TRPC5: variants seen among roughly 807,000 people sequenced by gnomAD.
TRPC5 encodes transient receptor potential cation channel subfamily C member 5, also known as short transient receptor potential channel 5.
Under a neutral mutation model 56.5 loss-of-function variants are expected in TRPC5, and 9 were observed. The ratio of observed to expected loss-of-function variants is 0.16; its 90% CI spans 0.10 to 0.28. The LOEUF (loss-of-function observed/expected upper bound fraction) is 0.28. TRPC5 is among the 10% of genes least tolerant of loss of function. The pLI is 1.00. For missense variants in TRPC5, 469 were observed against 748.9 expected, an observed-to-expected ratio of 0.63 and a Z score of 4.36; for synonymous variants, 282 against 278.5, an observed-to-expected ratio of 1.01 and a Z score of -0.13.
chrX:112,065,789 T>C (rs777041519), intron 1 of TRPC5, among the ~76,000 whole-genome samples: 1 of 110,745 alleles, frequency 9.0e-6, no homozygotes, highest in African/African-American at 3.3e-5. Context: ...AAGAATTGCT[T>C]CAGCCTGGGA....
At chrX:111,899,477 G>A (rs1392535308) in intron 3 of TRPC5, among the ~76,000 whole-genome samples, 3 of 111,280 alleles carry the variant, frequency 2.7e-5, no homozygotes, top group Non-Finnish European at 5.7e-5. Context: ...GAGAGGGTGT[G>A]AAATAGAATG....
chrX:112,075,726 C>T (rs1457286167), intron 1 of TRPC5, among the ~76,000 whole-genome samples: 1 of 111,517 alleles, frequency 9.0e-6, no homozygotes, highest in Non-Finnish European at 1.9e-5. Flanking sequence ...GCTGAGTTCC[C>T]CCTCATCAAA....
chrX:112,049,453 A>G (rs886533676), intron 1 of TRPC5, among the ~76,000 whole-genome samples: 15 of 107,535 alleles, frequency 1.4e-4, no homozygotes, highest in African/African-American at 5.1e-4. Context: ...ACACACACAC[A>G]CATATATATA....
At chrX:111,968,615 C>T (rs920533602) in intron 1 of TRPC5, among the ~76,000 whole-genome samples, 3 of 109,542 alleles carry the variant, frequency 2.7e-5, no homozygotes, top group African/African-American at 1.0e-4. Flanking sequence ...GAAAATGTGG[C>T]ACATATACCC....
chrX:111,829,292 A>ACTCTGT (rs1179453437), intron 7 of TRPC5, among the ~76,000 whole-genome samples: 1 of 86,484 alleles, frequency 1.2e-5, no homozygotes, highest in Non-Finnish European at 2.2e-5. Context: ...ACAGTATGAG[A>ACTCTGT]CTCTGTCTCA....
At chrX:112,069,345 T>C (rs1222056729) in intron 1 of TRPC5, among the ~76,000 whole-genome samples, 1 of 111,943 alleles carries the variant, frequency 8.9e-6, no homozygotes, top group African/African-American at 3.3e-5. Context: ...ATGTGTGTGC[T>C]ATCTGAATGT....
At chrX:112,015,287 A>T (rs1929092594) in intron 1 of TRPC5, among the ~76,000 whole-genome samples, 1 of 111,224 alleles carries the variant, frequency 9.0e-6, no homozygotes, top group African/African-American at 3.3e-5. Context: ...GTGGTCCTGA[A>T]ATTTTAGCGT....
intron 7 of TRPC5, among the ~76,000 whole-genome samples, chrX:111,823,529 C>T (rs998482474): frequency 7.2e-5 from 8 of 111,101 alleles, no homozygotes; most frequent in Admixed American, 2.9e-4. Context: ...AGTGCTGACC[C>T]GTTTACTCCC....
chrX:111,829,826 C>A (rs1194213427), intron 7 of TRPC5, among the ~76,000 whole-genome samples: 1 of 113,306 alleles, frequency 8.8e-6, no homozygotes, highest in Non-Finnish European at 1.9e-5. Flanking sequence ...TCATGGAGAT[C>A]CTCTGCTAGG....
intron 2 of TRPC5, among the ~76,000 whole-genome samples, chrX:111,937,314 A>G (rs1336499026): frequency 6.8e-5 from 7 of 102,229 alleles, no homozygotes; most frequent in Non-Finnish European, 1.0e-4. Context: ...CTCTGATGGT[A>G]GTTTCTTTTG....
intron 3 of TRPC5, among the ~76,000 whole-genome samples, chrX:111,907,742 CAT>C (rs1462855236): frequency 9.0e-6 from 1 of 111,490 alleles, no homozygotes; most frequent in African/African-American, 3.3e-5. Context: ...TCCAATCCTA[CAT>C]GAGAAGAGTT....
chrX:111,912,839 A>G (rs1925859834), intron 2 of TRPC5, 27 bp from the exon 3 acceptor site: 2 of 1,174,034 alleles, frequency 1.7e-6, no homozygotes, highest in African/African-American at 3.5e-5. Context: ...AGAAGAATAG[A>G]AGGGCAGGAT....
chrX:111,870,167 T>C (rs143418558), intron 3 of TRPC5, among the ~76,000 whole-genome samples: 472 of 111,970 alleles, frequency 4.2e-3, no homozygotes, highest in African/African-American at 0.014. Flanking sequence ...AGCCCAGTGC[T>C]GGGAGGATGC....
intron 3 of TRPC5, among the ~76,000 whole-genome samples, chrX:111,895,487 T>C (rs1925021014): frequency 8.9e-6 from 1 of 111,897 alleles, no homozygotes; most frequent in African/African-American, 3.3e-5. Flanking sequence ...TGTGGTTGGC[T>C]TTTTATCCTC....
Position 111,982,244 on chromosome X carries a change from G to T in TRPC5, c.-21-29803C>A, listed in dbSNP as rs192235470. Among the ~76,000 whole-genome samples the T allele has an allele frequency of 5.5e-4, 62 of 111,759 alleles. 2 individuals carry two copies. In the East Asian group the frequency reaches 0.017, roughly 30 times the overall value. On this transcript the variant is annotated intron_variant, in intron 1 of 10. Transcript: ENST00000262839. ...GTGAGAATGGAATAATATAATATTC[G>T]TTATAAAATAAGGAAGAAATACGCA...
At chrX:111,890,496 A>T (rs957575000) in intron 3 of TRPC5, among the ~76,000 whole-genome samples, 3 of 111,538 alleles carry the variant, frequency 2.7e-5, no homozygotes, top group Non-Finnish European at 5.7e-5. Context: ...ACCATTTCAT[A>T]TCAGGGACTT....
At chrX:112,043,859 A>C (rs750403999) in intron 1 of TRPC5, among the ~76,000 whole-genome samples, 4 of 111,444 alleles carry the variant, frequency 3.6e-5, no homozygotes, top group Admixed American at 9.5e-5. Context: ...ATCTAATTTT[A>C]AAATCAGGAG....
intron 1 of TRPC5, among the ~76,000 whole-genome samples, chrX:112,039,518 T>G (rs1929840220): frequency 1.8e-5 from 2 of 112,228 alleles, no homozygotes; most frequent in Non-Finnish European, 3.8e-5. Context: ...AACATTGCAA[T>G]AGAGATGATT....
intron 3 of TRPC5, chrX:111,901,707 C>A: frequency 2.4e-6 from 1 of 419,046 alleles, no homozygotes; most frequent in Non-Finnish European, 4.0e-6. Flanking sequence ...ACTTGATCAC[C>A]ATCATAATCA....
Sources: gnomAD v4.1 joint callset for allele counts (sites outside exome capture counted in the v4.1 genomes callset) on GRCh38, gnomAD v4.1.1 for gene constraint, MANE v1.5 for transcripts, NCBI Gene and HGNC (gene_info 2026-07-23, HGNC 2026-07-21) for gene names.